The following ASTN2 variants were observed in gnomAD, a reference collection of about 807,000 sequenced individuals.
ASTN2 encodes astrotactin 2, also known as astrotactin-2.
Under a neutral mutation model 139.8 loss-of-function variants are expected in ASTN2, and 54 were observed. That is an observed-to-expected ratio of 0.39 (90% confidence interval 0.31 to 0.48). The LOEUF (loss-of-function observed/expected upper bound fraction) is 0.48, where lower values mean the gene tolerates loss of function less well. Among genes scored for constraint, ASTN2 ranks in the 20% least tolerant of loss-of-function variants. The pLI is 0.95. For synonymous variants in ASTN2, 756 were observed against 719.5 expected, an observed-to-expected ratio of 1.05 and a Z score of -0.81; for missense variants, 1,565 against 1,725.1, an observed-to-expected ratio of 0.91 and a Z score of 1.64.
intron 10 of ASTN2, among the ~76,000 whole-genome samples, chr9:116,882,501 G>C (rs1833474306): frequency 6.6e-6 from 1 of 152,136 alleles, no homozygotes; most frequent in Non-Finnish European, 1.5e-5. Context: ...GAGAGGTAGA[G>C]GGTCATGGAC....
At chr9:117,229,150 TG>T (rs1832809175) in intron 2 of ASTN2, among the ~76,000 whole-genome samples, 1 of 152,196 alleles carries the variant, frequency 6.6e-6, no homozygotes, top group African/African-American at 2.4e-5. Flanking sequence ...CCACCCCTGC[TG>T]GCAGGACAGG....
At chr9:117,401,291 C>G (rs1830820641) in intron 1 of ASTN2, among the ~76,000 whole-genome samples, 1 of 152,142 alleles carries the variant, frequency 6.6e-6, no homozygotes. Context: ...GACACACTCC[C>G]TGCCTCCAAA....
chr9:116,833,607 C>G (rs1831888311), intron 11 of ASTN2, among the ~76,000 whole-genome samples: 1 of 152,130 alleles, frequency 6.6e-6, no homozygotes, highest in Admixed American at 6.5e-5. Flanking sequence ...CCCCACACAA[C>G]TTGATACATT....
intron 5 of ASTN2, among the ~76,000 whole-genome samples, chr9:117,046,748 T>A (rs1355738564): frequency 6.6e-6 from 1 of 152,234 alleles, no homozygotes; most frequent in East Asian, 1.9e-4. Context: ...AAGTACTGTA[T>A]GCCAGACCTC....
intron 13 of ASTN2, among the ~76,000 whole-genome samples, chr9:116,749,067 A>C (rs1322320701): frequency 7.0e-6 from 1 of 142,592 alleles, no homozygotes; most frequent in Non-Finnish European, 1.6e-5. Flanking sequence ...TGGACAAAAC[A>C]TTGAACCTTT....
At chr9:116,440,924 T>A in intron 21 of ASTN2, 132 bp from the exon 22 acceptor site, 2 of 826,652 alleles carry the variant, frequency 2.4e-6, no homozygotes, top group Non-Finnish European at 3.7e-6. Context: ...AGACAAACCT[T>A]AATTTCATCT....
chr9:116,881,009 A>G (rs1488304844), intron 10 of ASTN2, among the ~76,000 whole-genome samples: 1 of 152,222 alleles, frequency 6.6e-6, no homozygotes, highest in Non-Finnish European at 1.5e-5. Flanking sequence ...AAGGCTTTCT[A>G]GAAGAGGTAG....
chr9:117,177,889 C>T (rs1830957751), intron 3 of ASTN2, among the ~76,000 whole-genome samples: 1 of 152,146 alleles, frequency 6.6e-6, no homozygotes, highest in African/African-American at 2.4e-5. Flanking sequence ...ACTTGTCCAT[C>T]CTGTGCCTCA....
chr9:116,660,528 T>A (rs1742829), intron 16 of ASTN2, among the ~76,000 whole-genome samples: 143,335 of 152,310 alleles, frequency 0.94, 67,517 homozygotes, highest in African/African-American at 0.98. Context: ...TAAATGAGAA[T>A]CAGAACTTAA....
chr9:117,301,148 C>T (rs1286560238), intron 1 of ASTN2, among the ~76,000 whole-genome samples: 2 of 152,152 alleles, frequency 1.3e-5, no homozygotes, highest in Non-Finnish European at 2.9e-5. Flanking sequence ...CCTAGTTATT[C>T]TCTCCCGTAC....
intron 10 of ASTN2, among the ~76,000 whole-genome samples, chr9:116,966,479 A>G (rs573002603): frequency 6.6e-6 from 1 of 152,164 alleles, no homozygotes; most frequent in Non-Finnish European, 1.5e-5. Flanking sequence ...GGTGCTGAAC[A>G]ATGTTTGAAG....
chr9:116,523,402 T>G (rs1276741303), intron 19 of ASTN2, among the ~76,000 whole-genome samples: 2 of 152,184 alleles, frequency 1.3e-5, no homozygotes, highest in African/African-American at 4.8e-5. Flanking sequence ...GCCCTAATCC[T>G]CCTGAGTAAA....
chr9:116,907,421 C>A (rs1299747123), intron 10 of ASTN2, among the ~76,000 whole-genome samples: 4 of 152,184 alleles, frequency 2.6e-5, no homozygotes, highest in African/African-American at 9.7e-5. Flanking sequence ...AGGCAGGCTC[C>A]AAGAAGTGAC....
chr9:117,030,028 A>T (rs559920413), intron 6 of ASTN2, among the ~76,000 whole-genome samples: 1 of 151,962 alleles, frequency 6.6e-6, no homozygotes, highest in African/African-American at 2.4e-5. Context: ...TTTAAAAAAA[A>T]CGCTGAAGTT....
intron 5 of ASTN2, among the ~76,000 whole-genome samples, chr9:117,087,194 T>C (rs1040656608): frequency 6.6e-6 from 1 of 151,548 alleles, no homozygotes; most frequent in Non-Finnish European, 1.5e-5. Context: ...ATTGTTTTTT[T>C]CTTTTCCTTT....
At chr9:117,246,065 C>CA (rs897066093) in intron 2 of ASTN2, among the ~76,000 whole-genome samples, 1 of 151,816 alleles carries the variant, frequency 6.6e-6, no homozygotes, top group Admixed American at 6.6e-5. Context: ...ACAGACAAGA[C>CA]AAAATAACAT....
Position 116,778,357 on chromosome 9 carries a change from T to A in ASTN2, c.2396+27275A>T, listed in dbSNP as rs532480401. 1.8e-3 allele frequency among the ~76,000 whole-genome samples: 278 copies of A among 151,866 alleles called. 1 individual carries two copies. Among genetic ancestry groups the A allele is most frequent in the African/African-American group, 6.3e-3 (263 of 41,434 alleles). On this transcript the variant is annotated intron_variant, in intron 13 of 22. Coordinates refer to ENST00000313400, the MANE Select transcript of ASTN2 (RefSeq NM_001365068.1). ...TAATTTGGAAGATCTGAGTTCAAAA[T>A]TTGGTCATGTCTTTACTAGCTTTAC...
intron 19 of ASTN2, among the ~76,000 whole-genome samples, chr9:116,506,677 C>G (rs1252058796): frequency 6.6e-6 from 1 of 152,172 alleles, no homozygotes; most frequent in Non-Finnish European, 1.5e-5. Flanking sequence ...GTAGCCATCT[C>G]CAACCCCCCA....
intron 11 of ASTN2, among the ~76,000 whole-genome samples, chr9:116,860,379 T>C (rs1832846671): frequency 1.3e-5 from 2 of 152,240 alleles, no homozygotes; most frequent in South Asian, 4.1e-4. Flanking sequence ...CTTATCTCAC[T>C]CATAAATGGT....
Sources: allele counts gnomAD v4.1 joint callset (sites outside exome capture counted in the v4.1 genomes callset), GRCh38; gene constraint gnomAD v4.1.1; transcripts MANE v1.5; gene names NCBI Gene and HGNC (gene_info 2026-07-23, HGNC 2026-07-21).